Variants in OR6N1 observed in about 807,000 individuals in gnomAD.
OR6N1 encodes the protein olfactory receptor family 6 subfamily N member 1.
For missense variants in OR6N1, 394 were observed against 371.7 expected (o/e 1.06, Z -0.49); for synonymous variants, 170 against 150.7 (o/e 1.13, Z -0.94).
the OR6N1 span, among the ~76,000 whole-genome samples, chr1:158,801,295 G>GT: frequency 1.4e-4 from 22 of 151,818 alleles, no homozygotes; most frequent in African/African-American, 4.1e-4. Flanking sequence ...AAATGCCGGG[G>GT]TTTTTTTCCC....
At chr1:158,771,420 G>T (rs942993067) in intron 1 of OR6N1, among the ~76,000 whole-genome samples, 3 of 152,162 alleles carry the variant, frequency 2.0e-5, no homozygotes, top group African/African-American at 7.2e-5. Context: ...CAATTGAGAT[G>T]ACTTGTGCAG....
the OR6N1 span, among the ~76,000 whole-genome samples, chr1:158,796,877 AC>A: frequency 7.1e-6 from 1 of 141,058 alleles, no homozygotes; most frequent in Non-Finnish European, 1.5e-5. Context: ...TTTACAACTT[AC>A]CTTTTTTTTT....
chr1:158,829,965 A>T, the OR6N1 span, among the ~76,000 whole-genome samples: 5 of 152,200 alleles, frequency 3.3e-5, no homozygotes, highest in South Asian at 4.1e-4. Flanking sequence ...ATCTCATGAG[A>T]CCCATTTACT....
the OR6N1 span, among the ~76,000 whole-genome samples, chr1:158,791,689 C>T: frequency 6.6e-6 from 1 of 152,010 alleles, no homozygotes; most frequent in Non-Finnish European, 1.5e-5. Context: ...AGGATGGTCT[C>T]GATCTCCTGA....
chr1:158,811,895 A>G, the OR6N1 span, among the ~76,000 whole-genome samples: 1 of 152,172 alleles, frequency 6.6e-6, no homozygotes, highest in East Asian at 1.9e-4. Flanking sequence ...TTTAGAAAAT[A>G]TTGTAACCTC....
chr1:158,826,160 C>G, the OR6N1 span, among the ~76,000 whole-genome samples: 8 of 151,724 alleles, frequency 5.3e-5, no homozygotes, highest in Non-Finnish European at 1.2e-4. Flanking sequence ...AAAAAAAAAC[C>G]TATTACATAT....
At chr1:158,823,330 G>T in the OR6N1 span, among the ~76,000 whole-genome samples, 23 of 152,066 alleles carry the variant, frequency 1.5e-4, no homozygotes, top group Admixed American at 2.6e-4. Context: ...CTGTAAATCT[G>T]TCTGGTCTGA....
the OR6N1 span, among the ~76,000 whole-genome samples, chr1:158,829,128 C>T: frequency 3.5e-4 from 54 of 152,308 alleles, no homozygotes; most frequent in African/African-American, 1.2e-3. Context: ...CTGCTATACA[C>T]GTCCCTGACA....
In OR6N1 at chr1:158,764,466, T is replaced by G. The variant is rs1168784106; in HGVS notation, c.*1278A>C. ...ATATATGTCTTGTTCATTGCTTTTG[T>G]AGAGTTGACACTGCATCTGATATAT... On this transcript the variant is annotated 3_prime_UTR_variant, in exon 2 of 2. Transcript: ENST00000641846. 6.6e-6 allele frequency: 1 copy of G among 151,934 alleles called. No individual in the cohort carries two copies. Among genetic ancestry groups the G allele is most frequent in the Non-Finnish European group, 1.5e-5 (1 of 67,926 alleles). The allele number at this position is 151,934 out of a possible 1,614,324, so 9.4% of individuals were successfully genotyped here. A position where few individuals can be genotyped will look rare whatever the true frequency, so the allele number is the denominator to read the frequency against.
chr1:158,816,498 T>G, the OR6N1 span, among the ~76,000 whole-genome samples: 1 of 152,150 alleles, frequency 6.6e-6, no homozygotes, highest in Non-Finnish European at 1.5e-5. Flanking sequence ...CCAGACAGCC[T>G]GGGCAACAAA....
rs1335821924 is a variant in OR6N1 at position 158,764,731 on chromosome 1, C to T, written c.*1013G>A. On this transcript the variant is annotated 3_prime_UTR_variant, in exon 2 of 2. Coordinates refer to ENST00000641846, the MANE Select transcript of OR6N1 (RefSeq NM_001005185.2). ...TTTTAGAATTATTTTTCACACGTTTCAGGAAATAATTAGCTTACAATTCAA... is the reference window on the plus strand; with the variant it reads ...TTTTAGAATTATTTTTCACACGTTTTAGGAAATAATTAGCTTACAATTCAA... 1 of 152,162 alleles carries T rather than the reference C, an allele frequency of 6.6e-6. No homozygotes were observed. Among genetic ancestry groups the T allele is most frequent in the East Asian group, 1.9e-4 (1 of 5,178 alleles). The allele number at this position is 152,162 out of a possible 1,614,324, so 9.4% of individuals were successfully genotyped here.
chr1:158,815,814 A>C, the OR6N1 span, among the ~76,000 whole-genome samples: 2 of 152,194 alleles, frequency 1.3e-5, no homozygotes, highest in Non-Finnish European at 2.9e-5. Context: ...GAAGAAACTA[A>C]GAAAAAGGAA....
the OR6N1 span, among the ~76,000 whole-genome samples, chr1:158,794,300 C>G: frequency 6.6e-6 from 1 of 152,198 alleles, no homozygotes; most frequent in Admixed American, 6.5e-5. Flanking sequence ...ACTAGCCCAG[C>G]ACTGCACCTG....
chr1:158,798,837 C>T, the OR6N1 span, among the ~76,000 whole-genome samples: 2 of 152,138 alleles, frequency 1.3e-5, no homozygotes, highest in Admixed American at 6.6e-5. Context: ...AGTGCTTTTA[C>T]GTGATTACTG....
chr1:158,789,950 T>C, the OR6N1 span, among the ~76,000 whole-genome samples: 2 of 152,252 alleles, frequency 1.3e-5, no homozygotes, highest in African/African-American at 2.4e-5. Context: ...TGTTTTCTTC[T>C]GATAGTTTTG....
At chr1:158,774,635 G>A (rs1657535592), upstream of OR6N1, 1 of 151,968 alleles carries the variant, frequency 6.6e-6, no homozygotes, top group Non-Finnish European at 1.5e-5. Context: ...GAAAATTTAT[G>A]TTTACGCATA....
At chr1:158,814,008 T>C in the OR6N1 span, among the ~76,000 whole-genome samples, 1 of 152,176 alleles carries the variant, frequency 6.6e-6, no homozygotes, top group Non-Finnish European at 1.5e-5. Context: ...CCAGATGTAC[T>C]GTCTATTGAA....
At chr1:158,803,844 C>T in the OR6N1 span, among the ~76,000 whole-genome samples, 13 of 152,178 alleles carry the variant, frequency 8.5e-5, no homozygotes, top group Non-Finnish European at 1.9e-4. Context: ...TGTTTCTTCT[C>T]TTTTATGTCA....
chr1:158,801,521 T>C, the OR6N1 span, among the ~76,000 whole-genome samples: 1 of 152,182 alleles, frequency 6.6e-6, no homozygotes, highest in Non-Finnish European at 1.5e-5. Context: ...CCCTATATTG[T>C]TGGTCTAGAA....
Sources: gnomAD v4.1 joint callset for allele counts (sites outside exome capture counted in the v4.1 genomes callset) on GRCh38, gnomAD v4.1.1 for gene constraint, MANE v1.5 for transcripts, NCBI Gene and HGNC (gene_info 2026-07-23, HGNC 2026-07-21) for gene names.